Variants in SLCO1A2 observed in about 807,000 individuals in gnomAD.
The protein encoded by SLCO1A2 is OATP-1.
In SLCO1A2, 67 loss-of-function variants were observed where a neutral mutation model predicts 69.0. The ratio of observed to expected loss-of-function variants is 0.97; its 90% CI spans 0.80 to 1.19. The LOEUF (loss-of-function observed/expected upper bound fraction) is 1.19. Ranked by LOEUF, SLCO1A2 falls within the 50% of genes most tolerant of loss-of-function variation. SLCO1A2 has a pLI of 0.00. For missense variants in SLCO1A2, 787 were observed against 793.7 expected, an observed-to-expected ratio of 0.99 and a Z score of 0.10; for synonymous variants, 260 against 265.9, an observed-to-expected ratio of 0.98 and a Z score of 0.22.
chr12:21,315,567 A>G (rs1950769053), intron 3 of SLCO1A2, among the ~76,000 whole-genome samples: 1 of 152,226 alleles, frequency 6.6e-6, no homozygotes, highest in South Asian at 2.1e-4. Context: ...TTTTTCCTCA[A>G]GGAGTTAATA....
intron 2 of SLCO1A2, among the ~76,000 whole-genome samples, chr12:21,366,204 G>C (rs1442910277): frequency 6.6e-6 from 1 of 152,146 alleles, no homozygotes; most frequent in African/African-American, 2.4e-5. Context: ...ATACACCATG[G>C]AACATTATGC....
upstream of SLCO1A2, among the ~76,000 whole-genome samples, chr12:21,338,503 T>C (rs1952962087): frequency 6.6e-6 from 1 of 151,832 alleles, no homozygotes; most frequent in South Asian, 2.1e-4. Flanking sequence ...GCCCCCACCC[T>C]GCTGCTTGGC....
At chr12:21,290,476 G>A (rs751330741) in intron 12 of SLCO1A2, among the ~76,000 whole-genome samples, 10 of 152,158 alleles carry the variant, frequency 6.6e-5, no homozygotes, top group Non-Finnish European at 1.2e-4. Flanking sequence ...AAATAAATCT[G>A]TGGAGCAGAA....
intron 1 of SLCO1A2, chr12:21,379,742 T>C (rs2137118911): frequency 6.6e-6 from 1 of 152,220 alleles, no homozygotes; most frequent in South Asian, 2.1e-4. Context: ...CTTGTACTTT[T>C]AAAAAAATAG....
chr12:21,391,847 C>T (rs1227572523), intron 1 of SLCO1A2, among the ~76,000 whole-genome samples: 1 of 152,088 alleles, frequency 6.6e-6, no homozygotes, highest in East Asian at 1.9e-4. Context: ...AACCAAATCT[C>T]CTTCCCTCCC....
intron 1 of SLCO1A2, chr12:21,378,655 A>G (rs1453677533): frequency 2.1e-6 from 1 of 471,276 alleles, no homozygotes; most frequent in African/African-American, 1.9e-5. Context: ...TTTGTATTTT[A>G]AAACATAAGA....
At chr12:21,373,046 A>G (rs1939915364) in intron 2 of SLCO1A2, 1 of 328,782 alleles carries the variant, frequency 3.0e-6, no homozygotes, top group African/African-American at 2.2e-5. Context: ...ATTTATTTAG[A>G]GAAATGCACA....
At chr12:21,381,832 T>C (rs1940606163) in intron 1 of SLCO1A2, among the ~76,000 whole-genome samples, 1 of 152,170 alleles carries the variant, frequency 6.6e-6, no homozygotes, top group Non-Finnish European at 1.5e-5. Context: ...AAACAATAGA[T>C]ATTCGTGTAA....
chr12:21,295,543 TATC>T, intron 10 of SLCO1A2, 51 bp downstream of exon 10: 1 of 1,150,438 alleles, frequency 8.7e-7, no homozygotes, highest in Non-Finnish European at 1.3e-6. Context: ...TTGTAAAAAA[TATC>T]ATATTAACCA....
intron 12 of SLCO1A2, among the ~76,000 whole-genome samples, chr12:21,283,228 C>T (rs949430957): frequency 6.6e-6 from 1 of 151,974 alleles, no homozygotes; most frequent in Non-Finnish European, 1.5e-5. Context: ...GACACATAGA[C>T]CAATGGAGCA....
intron 1 of SLCO1A2, chr12:21,403,586 G>A (rs532395541): frequency 1.3e-5 from 2 of 151,458 alleles, no homozygotes; most frequent in African/African-American, 4.8e-5. Context: ...AAGAATCTTT[G>A]TTTATGTAAG....
chr12:21,317,895 C>G (rs1010856880), intron 3 of SLCO1A2, among the ~76,000 whole-genome samples: 2 of 152,014 alleles, frequency 1.3e-5, no homozygotes, highest in African/African-American at 4.8e-5. Flanking sequence ...TCACATATTC[C>G]CAGTCATCCA....
upstream of SLCO1A2, among the ~76,000 whole-genome samples, chr12:21,336,990 C>G (rs1952912200): frequency 6.6e-6 from 1 of 152,002 alleles, no homozygotes; most frequent in African/African-American, 2.4e-5. Flanking sequence ...CTTCAGTATG[C>G]TTTCTCACAC....
intron 2 of SLCO1A2, among the ~76,000 whole-genome samples, chr12:21,358,865 A>G (rs779982022): frequency 2.1e-4 from 32 of 152,218 alleles, no homozygotes; most frequent in Non-Finnish European, 3.4e-4. Context: ...TGTAATCTAT[A>G]CTTCATTTAA....
intron 8 of SLCO1A2, 53 bp from the exon 9 acceptor site, chr12:21,297,621 G>A: frequency 2.3e-6 from 3 of 1,290,342 alleles, no homozygotes; most frequent in Non-Finnish European, 3.1e-6. Flanking sequence ...TGCATTTTGT[G>A]ACTGGCTTTT....
intron 1 of SLCO1A2, among the ~76,000 whole-genome samples, chr12:21,390,141 CA>C (rs944210579): frequency 6.6e-6 from 1 of 151,772 alleles, no homozygotes; most frequent in Non-Finnish European, 1.5e-5. Context: ...ACTTGTAAGA[CA>C]AAAATGTTGG....
intron 2 of SLCO1A2, chr12:21,373,337 A>G (rs1777551960): frequency 6.3e-7 from 1 of 1,590,100 alleles, no homozygotes; most frequent in African/African-American, 1.3e-5. Context: ...TTCTTTGCAG[A>G]AAATTTGAGA....
At chr12:21,297,645 C>T in intron 8 of SLCO1A2, 77 bp from the exon 9 acceptor site, 1 of 895,156 alleles carries the variant, frequency 1.1e-6, no homozygotes, top group South Asian at 2.0e-5. Context: ...GAAACATCCA[C>T]CTCCTCAACA....
Position 21,269,402 on chromosome 12 carries a change from G to A in SLCO1A2, c.*146C>T, listed in dbSNP as rs990793234. The A allele has an allele frequency of 7.1e-6, 4 of 565,632 alleles. No homozygotes were observed. The highest frequency in any genetic ancestry group is 6.7e-5 in the Admixed American group (2 of 29,712). The allele number at this position is 565,632 out of a possible 1,614,324, so 35.0% of individuals were successfully genotyped here. ...CACTGATACCTTAGAAATATCATTA[G>A]TGAACATTTTATTATTTTGAGTTAA... On this transcript the variant is annotated 3_prime_UTR_variant, in exon 15 of 15. Coordinates refer to ENST00000683939, the MANE Select transcript of SLCO1A2 (RefSeq NM_001386879.1).
Sources: gnomAD v4.1 joint callset for allele counts (sites outside exome capture counted in the v4.1 genomes callset) on GRCh38, gnomAD v4.1.1 for gene constraint, MANE v1.5 for transcripts, NCBI Gene and HGNC (gene_info 2026-07-23, HGNC 2026-07-21) for gene names.